PKD1L1: variants seen among roughly 807,000 people sequenced by gnomAD.
PKD1L1 encodes the protein polycystin 1 like 1, transient receptor potential channel interacting.
PKD1L1 carries 236 observed loss-of-function variants against 323.4 expected under a neutral mutation model. The ratio of observed to expected loss-of-function variants is 0.73; its 90% CI spans 0.66 to 0.81. The LOEUF (loss-of-function observed/expected upper bound fraction) is 0.81. Ranked by LOEUF, PKD1L1 falls within the 40% of genes least tolerant of loss-of-function variation. The pLI is 0.00. For missense variants in PKD1L1, 3,320 were observed against 3,508.0 expected (o/e 0.95, Z 1.35); for synonymous variants, 1,344 against 1,335.0 (o/e 1.01, Z -0.15).
chr7:47,816,821 G>A (rs993124773), intron 46 of PKD1L1, among the ~76,000 whole-genome samples: 1 of 152,226 alleles, frequency 6.6e-6, no homozygotes, highest in Non-Finnish European at 1.5e-5. Context: ...TTTGGTAAAC[G>A]AGGCTTGAGA....
intron 2 of PKD1L1, among the ~76,000 whole-genome samples, chr7:47,941,898 A>G (rs1400392286): frequency 6.6e-6 from 1 of 152,262 alleles, no homozygotes; most frequent in East Asian, 1.9e-4. Context: ...ATGTCACAAA[A>G]GGAGAAATAA....
At chr7:47,802,796 G>A (rs926487831) in intron 53 of PKD1L1, among the ~76,000 whole-genome samples, 10 of 152,336 alleles carry the variant, frequency 6.6e-5, no homozygotes, top group Admixed American at 2.0e-4. Context: ...GCTGTGCCCT[G>A]TTGTTTGAGA....
At chr7:47,918,181 AG>A (rs1175660729) in intron 7 of PKD1L1, among the ~76,000 whole-genome samples, 1 of 152,216 alleles carries the variant, frequency 6.6e-6, no homozygotes, top group Non-Finnish European at 1.5e-5. Context: ...AAGCAGGAGT[AG>A]CTATTCTCAT....
chr7:47,904,703 A>C, intron 11 of PKD1L1, 86 bp from the exon 12 acceptor site: 2 of 1,425,450 alleles, frequency 1.4e-6, no homozygotes, highest in Non-Finnish European at 1.9e-6. Flanking sequence ...GCTATACTTT[A>C]AGAGGAAGGC....
intron 10 of PKD1L1, among the ~76,000 whole-genome samples, 157 bp from the exon 11 acceptor site, chr7:47,905,482 G>C (rs951320147): frequency 7.9e-5 from 12 of 152,198 alleles, no homozygotes; most frequent in Admixed American, 5.9e-4. Flanking sequence ...TGCAGCTGTG[G>C]GCACGCGGTA....
intron 2 of PKD1L1, among the ~76,000 whole-genome samples, 185 bp downstream of exon 2, chr7:47,943,211 C>T (rs1379634179): frequency 6.9e-6 from 1 of 145,322 alleles, no homozygotes; most frequent in Non-Finnish European, 1.5e-5. Flanking sequence ...TGTGTACCAT[C>T]CTGGCATGTG....
chr7:47,928,526 C>A (rs560805341), intron 7 of PKD1L1, among the ~76,000 whole-genome samples: 2 of 151,996 alleles, frequency 1.3e-5, no homozygotes, highest in Admixed American at 1.3e-4. Flanking sequence ...GCCGAGATTG[C>A]GCCACTGCAC....
At chr7:47,825,559 C>A (rs1339027776) in intron 45 of PKD1L1, among the ~76,000 whole-genome samples, 1 of 150,252 alleles carries the variant, frequency 6.7e-6, no homozygotes, top group Non-Finnish European at 1.5e-5. Flanking sequence ...AATATTAAAA[C>A]TTTGTTACAA....
intron 1 of PKD1L1, among the ~76,000 whole-genome samples, chr7:47,944,183 T>C (rs1788052301): frequency 6.6e-6 from 1 of 152,272 alleles, no homozygotes; most frequent in African/African-American, 2.4e-5. Flanking sequence ...GGTGTTTGGA[T>C]CACGGGGGCA....
chr7:47,873,961 C>G lies in PKD1L1; in HGVS notation c.3834G>C (p.Pro1278=). 6 of 1,614,000 alleles carry G rather than the reference C, an allele frequency of 3.7e-6. No homozygotes were observed. Among genetic ancestry groups the G allele is most frequent in the Non-Finnish European group, 5.1e-6 (6 of 1,179,972 alleles). ...GCAGCACAGTCACCACCACAGTGCA[C>G]GGCTGGACCTTGGAGCCTTTGCCAT... ...ITDGKGSKVQ[P]CTVVVTVLPR... is the part of the protein sequence containing the mutation. Residue 1278 remains proline, a synonymous_variant, in exon 24 of 57, where the codon CCG becomes CCC. Coordinates refer to ENST00000289672, the MANE Select transcript of PKD1L1 (RefSeq NM_138295.5).
chr7:47,809,559 T>C lies in PKD1L1; in HGVS notation c.7600A>G (p.Ser2534Gly). 1.2e-6 allele frequency: 2 copies of C among 1,600,364 alleles called. No homozygotes were observed. The highest frequency in any genetic ancestry group is 1.3e-5 in the African/African-American group (1 of 74,496). The change falls in exon 51 of 57, where the codon AGC becomes GGC. Residue 2534 changes from serine to glycine, a missense_variant. Ser to Gly is a moderately conservative substitution (Grantham distance 56). Coordinates refer to ENST00000289672, the MANE Select transcript of PKD1L1 (RefSeq NM_138295.5). ...AGTTGAACACAGAGGTGGATCAGGC[T>C]GAGTGCCAGGAAGACCAGCTGGTGG... ...MLPQLVFLAL[S>G]LIHLCVQLYR...
chr7:47,959,828 G>A, the PKD1L1 span, among the ~76,000 whole-genome samples: 1 of 150,942 alleles, frequency 6.6e-6, no homozygotes. Flanking sequence ...ACTGGGAAGT[G>A]AGGAGCCCCT....
Position 47,929,292 on chromosome 7 carries a change from C to T in PKD1L1, c.972G>A (p.Met324Ile), listed in dbSNP as rs1787715588. ...CAACCCCAGAACTGTCCCCGAAATC[C>T]ATCATCAGACAGAGAGCCTCTCCAG... Reference protein sequence around the residue: ...MASGEALCLMMDFGDSSGVEM... With the variant: ...MASGEALCLMIDFGDSSGVEM... Residue 324 changes from methionine to isoleucine, a missense_variant, in exon 7 of 57, where the codon ATG becomes ATA. Coordinates refer to ENST00000289672, the MANE Select transcript of PKD1L1 (RefSeq NM_138295.5). The T allele has an allele frequency of 1.2e-6, 2 of 1,614,024 alleles. No homozygotes were observed. The highest frequency in any genetic ancestry group is 2.7e-5 in the African/African-American group (2 of 74,904).
chr7:47,776,863 T>A (rs1210674814), intron 56 of PKD1L1, among the ~76,000 whole-genome samples: 1 of 152,154 alleles, frequency 6.6e-6, no homozygotes, highest in East Asian at 1.9e-4. Flanking sequence ...TCCTACTGGT[T>A]GACACTTAAA....
In PKD1L1 at chr7:47,940,217, T is replaced by C. The variant is rs1583691746; in HGVS notation, c.261A>G (p.Pro87=). 1.9e-6 allele frequency: 3 copies of C among 1,614,162 alleles called. No individual in the cohort carries two copies. The highest frequency in any genetic ancestry group is 2.5e-6 in the Non-Finnish European group (3 of 1,180,044). ...CCTTCTGCCTGGAAGCTGATGAGGA[T>C]GGGCTCTGTGATTCCCGGTCTTCTG... ...GKAEDRESQS[P]SSSASRQKNI... Residue 87 remains proline (P), a synonymous_variant, in exon 3 of 57, where the codon CCA becomes CCG. Transcript: ENST00000289672.
At chr7:47,930,187 A>G (rs569284419) in intron 6 of PKD1L1, among the ~76,000 whole-genome samples, 94 of 152,212 alleles carry the variant, frequency 6.2e-4, no homozygotes, top group Non-Finnish European at 9.9e-4. Context: ...GAAATGGCTT[A>G]AGTATCTTAA....
chr7:47,863,248 G>A (rs960443223), intron 26 of PKD1L1, among the ~76,000 whole-genome samples: 1 of 152,138 alleles, frequency 6.6e-6, no homozygotes, highest in African/African-American at 2.4e-5. Context: ...GTTGGAAGGG[G>A]TTGGGGGAGG....
the PKD1L1 span, among the ~76,000 whole-genome samples, chr7:47,955,421 A>G: frequency 6.6e-6 from 1 of 152,220 alleles, no homozygotes; most frequent in Admixed American, 6.5e-5. Flanking sequence ...TCTAGAAAAT[A>G]CATGCATGTA....
At chr7:47,786,240 G>A (rs1465547457) in intron 56 of PKD1L1, among the ~76,000 whole-genome samples, 1 of 152,176 alleles carries the variant, frequency 6.6e-6, no homozygotes, top group Non-Finnish European at 1.5e-5. Context: ...ACCTGTGACG[G>A]GGGCTACGTA....
Sources: gnomAD v4.1 joint callset for allele counts (sites outside exome capture counted in the v4.1 genomes callset) on GRCh38, gnomAD v4.1.1 for gene constraint, MANE v1.5 for transcripts, NCBI Gene and HGNC (gene_info 2026-07-23, HGNC 2026-07-21) for gene names.